The following DENND1B variants were observed in gnomAD, a reference collection of about 807,000 sequenced individuals.
DENND1B encodes DENN domain containing 1B.
In DENND1B, 59 loss-of-function variants were observed where a neutral mutation model predicts 90.1. The ratio of observed to expected loss-of-function variants is 0.65; its 90% CI spans 0.53 to 0.81. The LOEUF (loss-of-function observed/expected upper bound fraction) is 0.81, where lower values mean the gene tolerates loss of function less well. Ranked by LOEUF, DENND1B falls within the 40% of genes least tolerant of loss-of-function variation. DENND1B has a pLI of 0.00. For missense variants in DENND1B, 862 were observed against 912.6 expected (o/e 0.94, Z 0.71); for synonymous variants, 337 against 324.6 (o/e 1.04, Z -0.41).
chr1:197,522,616 C>T (rs1466680337), intron 20 of DENND1B, among the ~76,000 whole-genome samples: 1 of 152,058 alleles, frequency 6.6e-6, no homozygotes, highest in Non-Finnish European at 1.5e-5. Context: ...TGTTTTGCTT[C>T]TAATATCACT....
intron 1 of DENND1B, among the ~76,000 whole-genome samples, chr1:197,773,722 T>C (rs1018423127): frequency 1.3e-5 from 2 of 152,224 alleles, no homozygotes. Context: ...CAAAGCAACA[T>C]TGGTTAAATT....
chr1:197,726,275 G>A (rs186244967), intron 2 of DENND1B, among the ~76,000 whole-genome samples: 43 of 152,166 alleles, frequency 2.8e-4, no homozygotes, highest in East Asian at 1.9e-3. Flanking sequence ...GAAAAGAATC[G>A]TGTTTTATAC....
In DENND1B at chr1:197,582,380, G is replaced by T. The variant is rs960774488; in HGVS notation, c.1149+772C>A. Among the ~76,000 whole-genome samples the T allele has an allele frequency of 7.2e-5, 11 of 152,082 alleles. No homozygotes were observed. In the South Asian group the frequency reaches 2.1e-3, roughly 29 times the overall value. On this transcript the variant is annotated intron_variant, in intron 15 of 22. Coordinates refer to ENST00000620048, the MANE Select transcript of DENND1B (RefSeq NM_001195215.2). ...CATTACTGAGTTTTTATTCATTTTT[G>T]TATCCTGGCCCTGAGCACAGTTTAT...
intron 2 of DENND1B, among the ~76,000 whole-genome samples, chr1:197,716,313 TA>T (rs1660643541): frequency 6.6e-6 from 1 of 151,732 alleles, no homozygotes; most frequent in South Asian, 2.1e-4. Flanking sequence ...TTTTATTTAT[TA>T]AGGACTAAAA....
At chr1:197,575,432 A>G (rs910026209) in intron 15 of DENND1B, among the ~76,000 whole-genome samples, 2 of 152,184 alleles carry the variant, frequency 1.3e-5, no homozygotes, top group Non-Finnish European at 2.9e-5. Flanking sequence ...GTAAGAAACA[A>G]CAGATGCTGG....
intron 10 of DENND1B, among the ~76,000 whole-genome samples, chr1:197,635,757 C>T (rs1679731114): frequency 6.6e-6 from 1 of 152,110 alleles, no homozygotes; most frequent in African/African-American, 2.4e-5. Flanking sequence ...AAAGATGTTA[C>T]ACTGGTTACT....
At chr1:197,552,112 G>T in intron 16 of DENND1B, 1 of 614,650 alleles carries the variant, frequency 1.6e-6, no homozygotes, top group Non-Finnish European at 2.0e-6. Context: ...TACTTATTAC[G>T]TTTTGTCTTT....
At chr1:197,549,654 C>T (rs928630432) in intron 16 of DENND1B, among the ~76,000 whole-genome samples, 2 of 152,066 alleles carry the variant, frequency 1.3e-5, no homozygotes, top group Non-Finnish European at 2.9e-5. Context: ...TAAATGCATC[C>T]TTTGTTCTAC....
At chr1:197,760,146 T>A (rs543844048) in intron 2 of DENND1B, among the ~76,000 whole-genome samples, 1 of 152,328 alleles carries the variant, frequency 6.6e-6, no homozygotes, top group South Asian at 2.1e-4. Flanking sequence ...ATCTTCATGA[T>A]TTGGAAGGCA....
At chr1:197,629,605 C>T (rs1221404092) in intron 10 of DENND1B, among the ~76,000 whole-genome samples, 1 of 151,770 alleles carries the variant, frequency 6.6e-6, no homozygotes, top group Non-Finnish European at 1.5e-5. Context: ...TGCAGCCCAC[C>T]AGCATGGCAC....
At chr1:197,537,244 T>G (rs550615843) in intron 20 of DENND1B, among the ~76,000 whole-genome samples, 2 of 152,174 alleles carry the variant, frequency 1.3e-5, no homozygotes, top group African/African-American at 4.8e-5. Flanking sequence ...GTTTAATCAA[T>G]TCTTATACAC....
rs1352757772 is a variant in DENND1B at position 197,579,467 on chromosome 1, A to C, written c.1149+3685T>G. On this transcript the variant is annotated intron_variant, in intron 15 of 22. Transcript: ENST00000620048. The stretch of plus-strand genomic sequence containing the variant: ...ATTTCCATTTTGTTTAGTGTTTTAT[A>C]GCTTTGGATGTATGAATATACACTG... 2.0e-5 allele frequency among the ~76,000 whole-genome samples: 3 copies of C among 152,062 alleles called. No individual in the cohort carries two copies. The East Asian group carries it at 5.8e-4, about 29-fold the overall frequency.
intron 2 of DENND1B, among the ~76,000 whole-genome samples, chr1:197,751,688 A>C (rs777884526): frequency 6.6e-6 from 1 of 152,000 alleles, no homozygotes; most frequent in Non-Finnish European, 1.5e-5. Flanking sequence ...TACTAAAAAT[A>C]CAAAAATTAG....
intron 16 of DENND1B, chr1:197,552,461 T>G: frequency 1.0e-6 from 1 of 985,364 alleles, no homozygotes; most frequent in Non-Finnish European, 1.2e-6. Context: ...TAACAGTATT[T>G]GAACATTTAC....
At chr1:197,664,873 A>T (rs1234407706) in intron 5 of DENND1B, among the ~76,000 whole-genome samples, 1 of 152,092 alleles carries the variant, frequency 6.6e-6, no homozygotes, top group Non-Finnish European at 1.5e-5. Context: ...GGAACTACAA[A>T]GGCCCTAAAC....
intron 15 of DENND1B, among the ~76,000 whole-genome samples, chr1:197,559,376 T>C (rs914288749): frequency 6.6e-6 from 1 of 151,882 alleles, no homozygotes; most frequent in African/African-American, 2.4e-5. Flanking sequence ...AGTAGCAAGA[T>C]TCAGTGTTGT....
chr1:197,704,378 T>TA (rs1163175772), intron 3 of DENND1B, among the ~76,000 whole-genome samples: 2 of 152,198 alleles, frequency 1.3e-5, no homozygotes, highest in Non-Finnish European at 1.5e-5. Flanking sequence ...ACTGAACTAC[T>TA]AAAATAACTA....
chr1:197,592,570 C>T (rs1342069631), intron 14 of DENND1B, among the ~76,000 whole-genome samples: 2 of 152,088 alleles, frequency 1.3e-5, no homozygotes, highest in African/African-American at 2.4e-5. Flanking sequence ...AACTAGACGG[C>T]TATTAAAAGT....
intron 15 of DENND1B, among the ~76,000 whole-genome samples, chr1:197,563,248 C>T (rs12724239): frequency 0.22 from 33,998 of 151,758 alleles, 3,924 homozygotes; most frequent in Middle Eastern, 0.37. Context: ...ATATCATCCA[C>T]GACATTCATA....
Sources: allele counts gnomAD v4.1 joint callset (sites outside exome capture counted in the v4.1 genomes callset), GRCh38; gene constraint gnomAD v4.1.1; transcripts MANE v1.5; gene names NCBI Gene and HGNC (gene_info 2026-07-23, HGNC 2026-07-21).